Variants in AMBRA1 observed in about 807,000 individuals in gnomAD.
AMBRA1 encodes the protein autophagy and beclin 1 regulator 1.
In AMBRA1, 47 loss-of-function variants were observed where a neutral mutation model predicts 125.4. That is an observed-to-expected ratio of 0.37 (90% CI 0.30 to 0.48). The LOEUF is 0.48. Among genes scored for constraint, AMBRA1 ranks in the 20% least tolerant of loss-of-function variants. AMBRA1 has a pLI of 0.99. For missense variants in AMBRA1, 1,331 were observed against 1,693.4 expected, an observed-to-expected ratio of 0.79 and a Z score of 3.76; for synonymous variants, 626 against 655.5, an observed-to-expected ratio of 0.95 and a Z score of 0.69.
intron 1 of AMBRA1, among the ~76,000 whole-genome samples, chr11:46,585,964 C>A (rs1449252958): frequency 6.6e-6 from 1 of 150,982 alleles, no homozygotes; most frequent in Non-Finnish European, 1.5e-5. Context: ...CACCACCACA[C>A]CCAGCTAATT....
intron 11 of AMBRA1, among the ~76,000 whole-genome samples, chr11:46,474,744 C>A (rs1949745879): frequency 6.6e-6 from 1 of 152,076 alleles, no homozygotes; most frequent in Admixed American, 6.6e-5. Flanking sequence ...AGGGGGAAAT[C>A]CAGAAAGGAT....
At chr11:46,505,062 G>A (rs1460678477) in intron 9 of AMBRA1, among the ~76,000 whole-genome samples, 1 of 152,182 alleles carries the variant, frequency 6.6e-6, no homozygotes, top group East Asian at 1.9e-4. Context: ...AGCATGAAGT[G>A]CTGAGAAGGT....
intron 11 of AMBRA1, among the ~76,000 whole-genome samples, chr11:46,483,558 A>T (rs1950155000): frequency 6.6e-6 from 1 of 152,236 alleles, no homozygotes; most frequent in African/African-American, 2.4e-5. Context: ...GCTTGGAGAT[A>T]GGAAAAGGAA....
rs1266336735 is a variant in AMBRA1, at chr11:46,435,044, C to T, written c.2633-7G>A. 6.3e-7 allele frequency: 1 copy of T among 1,594,386 alleles called. No homozygotes were observed. Among genetic ancestry groups the T allele is most frequent in the Non-Finnish European group, 8.5e-7 (1 of 1,170,630 alleles). Reference sequence around the variant, plus strand: ...ACCAGCACATTCACGGAAGCTGCATCAGACAAAGAAAGAAAAGAGGATAAG... The same window carrying T: ...ACCAGCACATTCACGGAAGCTGCATTAGACAAAGAAAGAAAAGAGGATAAG... On this transcript the variant is annotated splice_polypyrimidine_tract_variant and splice_region_variant and intron_variant, in intron 12 of 17. Coordinates refer to ENST00000683756, the MANE Select transcript of AMBRA1 (RefSeq NM_001387011.1).
chr11:46,403,540 G>A (rs935855367), intron 17 of AMBRA1, among the ~76,000 whole-genome samples: 2 of 152,094 alleles, frequency 1.3e-5, no homozygotes, highest in African/African-American at 4.8e-5. Context: ...TGCAAGCTAG[G>A]GAGGCACTGT....
intron 12 of AMBRA1, among the ~76,000 whole-genome samples, chr11:46,436,385 ATTAGGCTATTGTGCCAACTCGGGGGC>A (rs1315641017): frequency 1.3e-5 from 2 of 152,258 alleles, no homozygotes; most frequent in East Asian, 3.8e-4. Context: ...GAATACATTG[ATTAGGCTATTGTGCCAACTCGGGGGC>A]TGACACCTAC....
chr11:46,504,166 G>T (rs1382969932), intron 9 of AMBRA1, among the ~76,000 whole-genome samples: 1 of 152,172 alleles, frequency 6.6e-6, no homozygotes, highest in East Asian at 1.9e-4. Flanking sequence ...ATAAAAAGAG[G>T]CAGGAAGGGC....
At chr11:46,570,687 A>C (rs942721515) in intron 1 of AMBRA1, among the ~76,000 whole-genome samples, 2 of 152,094 alleles carry the variant, frequency 1.3e-5, no homozygotes, top group African/African-American at 4.8e-5. Flanking sequence ...GTAAGAGATA[A>C]ACTGTAGGTT....
At chr11:46,549,513 G>GTA (rs1173540487) in intron 1 of AMBRA1, among the ~76,000 whole-genome samples, 1 of 152,054 alleles carries the variant, frequency 6.6e-6, no homozygotes, top group Non-Finnish European at 1.5e-5. Context: ...ATTTCAGTAG[G>GTA]TATCAAGACA....
Position 46,548,601 on chromosome 11 carries a change from T to C in AMBRA1, c.-120-101A>G, listed in dbSNP as rs972650175. ...CAAAAGGGAAATTATACTTTTCCTA[T>C]TTAATGACACTTTCTCAGAAAAGAC... On this transcript the variant is annotated intron_variant, in intron 1 of 17. Transcript: ENST00000683756. 5 of 542,978 alleles carry C rather than the reference T, an allele frequency of 9.2e-6. No homozygotes were observed. The African/African-American group carries it at 9.5e-5, about 10-fold the overall frequency. 33.6% of individuals were successfully genotyped at this position (542,978 alleles called of 1,614,324 possible).
chr11:46,484,996 G>A (rs1950215684), intron 11 of AMBRA1, among the ~76,000 whole-genome samples: 2 of 150,824 alleles, frequency 1.3e-5, no homozygotes, highest in African/African-American at 4.9e-5. Context: ...GGAGTGCAAT[G>A]GCGCGATCTC....
chr11:46,544,294 G>A (rs764694278), intron 5 of AMBRA1, among the ~76,000 whole-genome samples: 5 of 152,144 alleles, frequency 3.3e-5, no homozygotes, highest in Non-Finnish European at 5.9e-5. Context: ...GCCATCCCAG[G>A]AAACAGCTAC....
chr11:46,433,720 C>G, intron 13 of AMBRA1, 92 bp from the exon 14 acceptor site: 1 of 1,346,136 alleles, frequency 7.4e-7, no homozygotes, highest in Non-Finnish European at 1.0e-6. Context: ...TTTCTCTAAT[C>G]TTCATATTCA....
chr11:46,543,167 T>C lies in AMBRA1; in HGVS notation c.850A>G (p.Thr284Ala). The C allele has an allele frequency of 1.3e-6, 2 of 1,561,848 alleles. No individual in the cohort carries two copies. The highest frequency in any genetic ancestry group is 1.7e-6 in the Non-Finnish European group (2 of 1,156,246). ...PPQPSTERPR[T>A]SAYIRLRQRV... ...TGTCGGAGCCTGATGTAAGCGGAAGTCCTGGGGCGCTCCGTGGAGGGCTGA... is the reference window on the plus strand; with the variant it reads ...TGTCGGAGCCTGATGTAAGCGGAAGCCCTGGGGCGCTCCGTGGAGGGCTGA... Residue 284 changes from threonine (T) to alanine (A), a missense_variant, in exon 7 of 18, where the codon ACT becomes GCT. Around this residue, in one of 4 missense-constraint regions of AMBRA1, gnomAD observed 689 missense variants for 776.5 expected, o/e 0.89. Transcript: ENST00000683756.
At position 46,543,958 on chromosome 11, in the gene AMBRA1, C is replaced by T; in HGVS notation, c.618+17G>A. ...ACTCACAGTTTAGCTGGAATTGGAA[C>T]TGCTGGACTAACTTACCTGTTGATT... On this transcript the variant is annotated intron_variant, in intron 6 of 17. Coordinates refer to ENST00000683756, the MANE Select transcript of AMBRA1 (RefSeq NM_001387011.1). 6 of 1,606,916 alleles carry T rather than the reference C, an allele frequency of 3.7e-6. No individual in the cohort carries two copies. The highest frequency in any genetic ancestry group is 5.1e-6 in the Non-Finnish European group (6 of 1,174,136).
intron 1 of AMBRA1, among the ~76,000 whole-genome samples, chr11:46,575,790 T>C (rs1383884550): frequency 3.9e-5 from 6 of 152,180 alleles, no homozygotes; most frequent in Non-Finnish European, 7.4e-5. Flanking sequence ...GCTGGGATTA[T>C]AGGCGTGAGC....
At position 46,434,996 on chromosome 11, in the gene AMBRA1, C is replaced by T; in HGVS notation, c.2674G>A (p.Asp892Asn). Reference protein sequence around the residue: ...VLVQNCKIYNDASCDISADGQ... With the variant: ...VLVQNCKIYNNASCDISADGQ... ...TCTGCAGAAATGTCACAGCTGGCATCATTGTAGATCTTGCAGTTCTGCACC... is the reference window on the plus strand; with the variant it reads ...TCTGCAGAAATGTCACAGCTGGCATTATTGTAGATCTTGCAGTTCTGCACC... Residue 892 changes from aspartate to asparagine, a missense_variant, in exon 13 of 18, where the codon GAT becomes AAT. Transcript: ENST00000683756. 6.2e-7 allele frequency: 1 copy of T among 1,613,492 alleles called. No homozygotes were observed. The highest frequency in any genetic ancestry group is 8.5e-7 in the Non-Finnish European group (1 of 1,179,760).
intron 15 of AMBRA1, among the ~76,000 whole-genome samples, chr11:46,413,213 C>A (rs1044162934): frequency 6.6e-6 from 1 of 152,226 alleles, no homozygotes; most frequent in Non-Finnish European, 1.5e-5. Context: ...CGGCTCAGGG[C>A]TGTGACCTTG....
chr11:46,511,873 G>GA (rs1951272554), intron 8 of AMBRA1, among the ~76,000 whole-genome samples: 1 of 145,418 alleles, frequency 6.9e-6, no homozygotes, highest in East Asian at 2.0e-4. Flanking sequence ...TTTTTTTTTT[G>GA]AGACAGAGTC....
Sources: allele counts gnomAD v4.1 joint callset (sites outside exome capture counted in the v4.1 genomes callset), GRCh38; gene constraint gnomAD v4.1.1; regional missense constraint gnomAD v4.1.1; transcripts MANE v1.5; gene names NCBI Gene and HGNC (gene_info 2026-07-23, HGNC 2026-07-21).